CDYL2: variants seen among roughly 807,000 people sequenced by gnomAD.
The protein encoded by CDYL2 is chromodomain Y-like protein 2.
Under a neutral mutation model 49.4 loss-of-function variants are expected in CDYL2, and 23 were observed. That is an observed-to-expected ratio of 0.47 (90% confidence interval 0.34 to 0.66). The LOEUF (loss-of-function observed/expected upper bound fraction) is 0.66. Ranked by LOEUF, CDYL2 falls within the 30% of genes least tolerant of loss-of-function variation. The pLI is 0.01. For synonymous variants in CDYL2, 360 were observed against 268.8 expected, an observed-to-expected ratio of 1.34 and a Z score of -3.32; for missense variants, 678 against 656.4, an observed-to-expected ratio of 1.03 and a Z score of -0.36.
At chr16:80,672,618 A>G (rs1180033617) in intron 2 of CDYL2, among the ~76,000 whole-genome samples, 3 of 151,460 alleles carry the variant, frequency 2.0e-5, no homozygotes, top group Admixed American at 2.0e-4. Context: ...AGGAAAAGAA[A>G]GGAAAGGAAA....
At chr16:80,648,562 A>G (rs547806542) in intron 2 of CDYL2, among the ~76,000 whole-genome samples, 8 of 152,248 alleles carry the variant, frequency 5.3e-5, no homozygotes, top group African/African-American at 1.9e-4. Context: ...GTTGAATTCT[A>G]CCAAACATTT....
intron 1 of CDYL2, among the ~76,000 whole-genome samples, chr16:80,769,659 G>T (rs1018496799): frequency 9.9e-5 from 15 of 152,178 alleles, no homozygotes; most frequent in Non-Finnish European, 1.9e-4. Context: ...GCCGAAAGAT[G>T]TGAACAGGAA....
At chr16:80,758,059 G>A (rs1414057170) in intron 1 of CDYL2, among the ~76,000 whole-genome samples, 2 of 151,974 alleles carry the variant, frequency 1.3e-5, no homozygotes, top group African/African-American at 4.8e-5. Context: ...GGTATCTAAG[G>A]AAGAATAAGA....
intron 1 of CDYL2, among the ~76,000 whole-genome samples, chr16:80,762,311 G>T (rs1314485994): frequency 1.3e-5 from 2 of 152,146 alleles, no homozygotes; most frequent in African/African-American, 4.8e-5. Context: ...GCAGACCATC[G>T]CAAGGAAGAG....
At chr16:80,638,263 C>A (rs1907928543) in intron 2 of CDYL2, among the ~76,000 whole-genome samples, 1 of 152,144 alleles carries the variant, frequency 6.6e-6, no homozygotes. Flanking sequence ...TCGCAGAGAA[C>A]AGGGTCTCAC....
rs919215453 is a variant in CDYL2 at position 80,599,486 on chromosome 16, T to C, written c.*4902A>G. The C allele has an allele frequency of 3.3e-5, 5 of 152,214 alleles. No homozygotes were observed. Among genetic ancestry groups the C allele is most frequent in the African/African-American group, 1.2e-4 (5 of 41,452 alleles). 9.4% of individuals were successfully genotyped at this position (152,214 alleles called of 1,614,324 possible). Reference sequence around the variant, plus strand: ...CCTGGATAGACATATTCAGCTGATATGTTATGTTCTACATTTAGTTTGCCT... The same window carrying C: ...CCTGGATAGACATATTCAGCTGATACGTTATGTTCTACATTTAGTTTGCCT... On this transcript the variant is annotated 3_prime_UTR_variant, in exon 7 of 7. Transcript: ENST00000570137.
At chr16:80,730,570 GA>G (rs1905292439) in intron 1 of CDYL2, among the ~76,000 whole-genome samples, 1 of 151,722 alleles carries the variant, frequency 6.6e-6, no homozygotes, top group Non-Finnish European at 1.5e-5. Context: ...CCAATCAATA[GA>G]AAAAGAGGGA....
chr16:80,664,675 G>C (rs187073565), intron 2 of CDYL2, among the ~76,000 whole-genome samples: 1 of 152,126 alleles, frequency 6.6e-6, no homozygotes, highest in Non-Finnish European at 1.5e-5. Context: ...TGGCCTCCCA[G>C]ATAGCCCTGT....
At chr16:80,633,305 G>C in intron 2 of CDYL2, 69 bp from the exon 3 acceptor site, 1 of 1,493,358 alleles carries the variant, frequency 6.7e-7, no homozygotes, top group African/African-American at 1.4e-5. Flanking sequence ...GTGATCAGAG[G>C]ACGTTGGGAT....
chr16:80,598,444 A>G lies in CDYL2; in HGVS notation c.*5944T>C, dbSNP rs1332571951. The G allele has an allele frequency of 6.6e-6, 1 of 152,236 alleles. No homozygotes were observed. The highest frequency in any genetic ancestry group is 1.5e-5 in the Non-Finnish European group (1 of 68,042). 9.4% of individuals were successfully genotyped at this position (152,236 alleles called of 1,614,324 possible). A position where few individuals can be genotyped will look rare whatever the true frequency, so the allele number is the denominator to read the frequency against. ...TGGTCAATGGATCAATGATTCCATC[A>G]TGAATGAGAATGGAGAGAGAACTGA... is the stretch of plus-strand genomic sequence containing the variant. On this transcript the variant is annotated 3_prime_UTR_variant, in exon 7 of 7. Transcript: ENST00000570137.
intron 1 of CDYL2, among the ~76,000 whole-genome samples, chr16:80,771,674 G>T (rs935358157): frequency 1.3e-5 from 2 of 152,004 alleles, no homozygotes; most frequent in Non-Finnish European, 2.9e-5. Context: ...AGTGAGCCAA[G>T]ATCACACCAC....
intron 1 of CDYL2, among the ~76,000 whole-genome samples, chr16:80,754,573 G>A (rs1427085800): frequency 2.6e-5 from 4 of 152,306 alleles, no homozygotes; most frequent in Middle Eastern, 3.4e-3. Context: ...GCAGTCTAGC[G>A]TCCACCCTCC....
At chr16:80,647,047 C>G (rs1376601889) in intron 2 of CDYL2, among the ~76,000 whole-genome samples, 1 of 152,006 alleles carries the variant, frequency 6.6e-6, no homozygotes, top group Non-Finnish European at 1.5e-5. Flanking sequence ...AAATCAATAG[C>G]ATTTCTATAT....
intron 1 of CDYL2, among the ~76,000 whole-genome samples, chr16:80,728,483 A>G (rs1230606968): frequency 6.6e-6 from 1 of 152,218 alleles, no homozygotes; most frequent in Non-Finnish European, 1.5e-5. Flanking sequence ...GGTGTACCTG[A>G]AAGTGATGGG....
At chr16:80,650,087 G>A (rs528084311) in intron 2 of CDYL2, among the ~76,000 whole-genome samples, 52 of 152,248 alleles carry the variant, frequency 3.4e-4, no homozygotes, top group Middle Eastern at 3.4e-3. Flanking sequence ...TACCCTACAA[G>A]CACAGGCAAC....
In CDYL2 at chr16:80,612,758, G is replaced by C; in HGVS notation, c.1086C>G (p.Ala362=). Residue 362 remains alanine, a synonymous_variant, in exon 5 of 7, where the codon GCC becomes GCG. Transcript: ENST00000570137. This position sits in a 1 kb window ranked among gnomAD's most constrained non-coding sequence, Gnocchi z 5.0. ...CGATGTCACAGAGGGGCAGGATGGA[G>C]GCACCCAGGCCCAGGGCCGGCCCAT... The part of the protein sequence containing the change: ...AINGPALGLG[A]SILPLCDIVW... The C allele has an allele frequency of 6.2e-7, 1 of 1,613,832 alleles. No individual in the cohort carries two copies. The highest frequency in any genetic ancestry group is 8.5e-7 in the Non-Finnish European group (1 of 1,179,994).
intron 5 of CDYL2, among the ~76,000 whole-genome samples, chr16:80,610,885 G>A (rs1463545753): frequency 1.3e-5 from 2 of 152,130 alleles, no homozygotes; most frequent in African/African-American, 2.4e-5. Flanking sequence ...ACCCCGGGCA[G>A]ACCTTGCTGA....
At chr16:80,608,943 G>T (rs1217309542) in intron 5 of CDYL2, among the ~76,000 whole-genome samples, 2 of 152,164 alleles carry the variant, frequency 1.3e-5, no homozygotes, top group Admixed American at 1.3e-4. Context: ...ACTGGTTAAA[G>T]CACTTCCATC....
chr16:80,684,876 G>A lies in CDYL2; in HGVS notation c.278C>T (p.Pro93Leu). Residue 93 changes from proline (P) to leucine (L), a missense_variant, in exon 2 of 7, where the codon CCT (proline) becomes CTT (leucine). Coordinates refer to ENST00000570137, the MANE Select transcript of CDYL2 (RefSeq NM_152342.4). The stretch of plus-strand genomic sequence containing the variant: ...CCCCTTGCTCTTTCCAGGATCTGAA[G>A]GTCTGTGGGACAGTTTCTCAACCGA... ...GPSVEKLSHR[P>L]SDPGKSKGTS... is the part of the protein sequence containing the mutation. 1.9e-6 allele frequency: 3 copies of A among 1,614,178 alleles called. No homozygotes were observed. Among genetic ancestry groups the A allele is most frequent in the Non-Finnish European group, 8.5e-7 (1 of 1,180,022 alleles).
Sources: gnomAD v4.1 joint callset for allele counts (sites outside exome capture counted in the v4.1 genomes callset) on GRCh38, gnomAD v4.1.1 for gene constraint, Gnocchi (gnomAD v3.1) non-coding constraint, MANE v1.5 for transcripts, NCBI Gene and HGNC (gene_info 2026-07-23, HGNC 2026-07-21) for gene names.